CDC42EP1: variants seen among roughly 807,000 people sequenced by gnomAD.
CDC42EP1 encodes 55 kDa bone marrow stromal/endothelial cell protein.
A neutral mutation model predicts 7.4 loss-of-function variants in CDC42EP1; 6 were observed. The observed-to-expected ratio is 0.81, with a 90% CI of 0.44 to 1.60. The LOEUF (loss-of-function observed/expected upper bound fraction) is 1.60, where lower values mean the gene tolerates loss of function less well. Ranked by LOEUF, CDC42EP1 falls within the 40% of genes most tolerant of loss-of-function variation. The pLI is 0.01. For synonymous variants in CDC42EP1, 238 were observed against 227.1 expected (o/e 1.05, Z -0.43); for missense variants, 567 against 539.0 (o/e 1.05, Z -0.51).
rs1290498805 is a variant in CDC42EP1, at chr22:37,566,412, G to A, written c.63G>A (p.Val21=). ...TGAGCCTGGGCAAGCTCTCGCCTGT[G>A]GGCTGGGTGTCCAGTTCACAGGGAA... ...ATMSLGKLSP[V]GWVSSSQGKR... Residue 21 remains valine, a synonymous_variant, in exon 2 of 3, where the codon GTG becomes GTA. Coordinates refer to ENST00000249014, the MANE Select transcript of CDC42EP1 (RefSeq NM_152243.3). This position sits in a 1 kb window ranked among gnomAD's most constrained non-coding sequence, Gnocchi z 6.4. 1.9e-6 allele frequency: 3 copies of A among 1,602,826 alleles called. No individual in the cohort carries two copies. Among genetic ancestry groups the A allele is most frequent in the Admixed American group, 1.7e-5 (1 of 58,582 alleles).
chr22:37,563,520 G>A (rs1255369478), intron 1 of CDC42EP1: 2 of 152,224 alleles, frequency 1.3e-5, no homozygotes, highest in South Asian at 2.1e-4. Context: ...GGAGGAGTTA[G>A]GGTTGGGGGA....
At chr22:37,563,645 T>C (rs994440980) in intron 1 of CDC42EP1, 34 of 152,242 alleles carry the variant, frequency 2.2e-4, no homozygotes, top group African/African-American at 8.0e-4. Context: ...CAAATAACAT[T>C]AGAAGGGCAG....
At position 37,568,278 on chromosome 22, in the gene CDC42EP1, G is replaced by A; in HGVS notation, c.634G>A (p.Gly212Arg). ...LGPSLLSELL[G>R]VMSLPEAPAA... ...GCCCTCACTCCTCAGCGAGCTGCTA[G>A]GGGTCATGAGCCTCCCAGAAGCCCC... The change falls in exon 3 of 3, where the codon GGG becomes AGG. Residue 212 changes from glycine (G) to arginine (R), a missense_variant. Coordinates refer to ENST00000249014, the MANE Select transcript of CDC42EP1 (RefSeq NM_152243.3). 6.2e-7 allele frequency: 1 copy of A among 1,613,580 alleles called. No individual in the cohort carries two copies. Among genetic ancestry groups the A allele is most frequent in the Non-Finnish European group, 8.5e-7 (1 of 1,179,994 alleles).
At chr22:37,561,321 C>T (rs1341278418) in intron 1 of CDC42EP1, among the ~76,000 whole-genome samples, 7 of 152,262 alleles carry the variant, frequency 4.6e-5, no homozygotes, top group Non-Finnish European at 1.0e-4. Flanking sequence ...GGGGGACTGG[C>T]CGGGAGGCCG....
rs1383285630 is a variant in CDC42EP1 at position 37,568,920 on chromosome 22, C to T, written c.*100C>T. 3 of 737,406 alleles carry T rather than the reference C, an allele frequency of 4.1e-6. No homozygotes were observed. In the South Asian group the frequency reaches 1.1e-4, roughly 27 times the overall value. The allele number at this position is 737,406 out of a possible 1,614,324, so 45.7% of individuals were successfully genotyped here. ...ACCGGAGAGGGGAGAAGTCATGTTGCCCCTAAACCCCTCCCCACCTCTGCA... is the reference window on the plus strand; with the variant it reads ...ACCGGAGAGGGGAGAAGTCATGTTGTCCCTAAACCCCTCCCCACCTCTGCA... On this transcript the variant is annotated 3_prime_UTR_variant, in exon 3 of 3. Transcript: ENST00000249014.
Position 37,568,464 on chromosome 22 carries a change from C to T in CDC42EP1, c.820C>T (p.Pro274Ser), listed in dbSNP as rs762377855. ...CCCCACGGGTCCTGCTGCAAATCCCCCAGCCCCTGCCGCAAGCTCCACACC... is the reference window on the plus strand; with the variant it reads ...CCCCACGGGTCCTGCTGCAAATCCCTCAGCCCCTGCCGCAAGCTCCACACC... Reference protein sequence around the residue: ...ATPTGPAANPPAPAASSTPHG... With the variant: ...ATPTGPAANPSAPAASSTPHG... The change falls in exon 3 of 3, where the codon CCA becomes TCA. Residue 274 changes from proline to serine, a missense_variant. Coordinates refer to ENST00000249014, the MANE Select transcript of CDC42EP1 (RefSeq NM_152243.3). 1.7e-5 allele frequency: 28 copies of T among 1,602,586 alleles called. No individual in the cohort carries two copies. Among genetic ancestry groups the T allele is most frequent in the Non-Finnish European group, 8.5e-7 (1 of 1,173,864 alleles).
At chr22:37,564,928 G>A (rs989201061) in intron 1 of CDC42EP1, among the ~76,000 whole-genome samples, 1 of 151,992 alleles carries the variant, frequency 6.6e-6, no homozygotes, top group Non-Finnish European at 1.5e-5. Flanking sequence ...ACAGGCGCCC[G>A]CCACTACGCC....
chr22:37,561,090 G>A lies in CDC42EP1; in HGVS notation c.-279+502G>A, dbSNP rs990237088. On this transcript the variant is annotated intron_variant, in intron 1 of 2. Transcript: ENST00000249014. The stretch of plus-strand genomic sequence containing the variant: ...AGCCGCGGATGAGGTCATCCCGTCC[G>A]GTTCCCCTCCGGCCAAGACAGCCGG... Among the ~76,000 whole-genome samples, 3 of 152,218 alleles carry A rather than the reference G, an allele frequency of 2.0e-5. No individual in the cohort carries two copies. In the East Asian group the frequency reaches 5.8e-4, roughly 30 times the overall value.
chr22:37,561,197 C>T lies in CDC42EP1; in HGVS notation c.-279+609C>T, dbSNP rs1162413141. Among the ~76,000 whole-genome samples the T allele has an allele frequency of 3.9e-5, 6 of 152,256 alleles. No individual in the cohort carries two copies. The East Asian group carries it at 9.6e-4, about 24-fold the overall frequency. On this transcript the variant is annotated intron_variant, in intron 1 of 2. Transcript: ENST00000249014. Reference sequence around the variant, plus strand: ...AATGTTGGATGGCCGAAGTCTTTCCCGGACTTCCAATCCCGGCCGCCCTCC... The same window carrying T: ...AATGTTGGATGGCCGAAGTCTTTCCTGGACTTCCAATCCCGGCCGCCCTCC...
chr22:37,567,977 G>T, intron 2 of CDC42EP1, 131 bp from the exon 3 acceptor site: 1 of 730,336 alleles, frequency 1.4e-6, no homozygotes, highest in East Asian at 2.5e-5. Flanking sequence ...TGGAAAGATG[G>T]GAGAAACCGA....
At position 37,568,733 on chromosome 22, in the gene CDC42EP1, A is replaced by C; in HGVS notation, c.1089A>C (p.Ala363=). The C allele has an allele frequency of 6.6e-7, 1 of 1,524,218 alleles. No homozygotes were observed. The highest frequency in any genetic ancestry group is 8.8e-7 in the Non-Finnish European group (1 of 1,137,390). 94.4% of individuals were successfully genotyped at this position (1,524,218 alleles called of 1,614,324 possible). A position where few individuals can be genotyped will look rare whatever the true frequency, so the allele number is the denominator to read the frequency against. Residue 363 remains alanine, a synonymous_variant, in exon 3 of 3, where the codon GCA becomes GCC. Transcript: ENST00000249014. The stretch of plus-strand genomic sequence containing the variant: ...ACGAAGAGTGGAGGGCGCCCCAGGC[A>C]GGCAGCAGGACCCCAGTGCCCAGCA... ...SLDEEWRAPQ[A]GSRTPVPSTV... is the part of the protein sequence containing the mutation.
intron 1 of CDC42EP1, among the ~76,000 whole-genome samples, chr22:37,562,193 G>A (rs1925067027): frequency 6.6e-6 from 1 of 152,154 alleles, no homozygotes; most frequent in South Asian, 2.1e-4. Context: ...CCCCACCCTG[G>A]GGCATTTACC....
chr22:37,568,169 A>T lies in CDC42EP1; in HGVS notation c.525A>T (p.Arg175=). 1 of 1,613,914 alleles carries T rather than the reference A, an allele frequency of 6.2e-7. No homozygotes were observed. Among genetic ancestry groups the T allele is most frequent in the Non-Finnish European group, 8.5e-7 (1 of 1,179,952 alleles). The change falls in exon 3 of 3, where the codon CGA becomes CGT. Residue 175 remains arginine, a synonymous_variant. Coordinates refer to ENST00000249014, the MANE Select transcript of CDC42EP1 (RefSeq NM_152243.3). ...CCCGCTCGGAAAAGCCGCATGACCG[A>T]GACCGGGATGGTTCCTTCCCCTCTG... The part of the protein sequence containing the change: ...RLPRSEKPHD[R]DRDGSFPSEP...
At chr22:37,563,785 A>G (rs1925129505) in intron 1 of CDC42EP1, 1 of 152,192 alleles carries the variant, frequency 6.6e-6, no homozygotes, top group African/African-American at 2.4e-5. Context: ...CTGTGTAGGT[A>G]AGTGACTTGC....
At position 37,566,296 on chromosome 22, in the gene CDC42EP1, C is replaced by A; in HGVS notation, c.-54C>A. ...CAGCCATCCCAAGCCCAGCCCACCTCCCTCCCCCGGCCCCTGGTAGGCATG... is the reference window on the plus strand; with the variant it reads ...CAGCCATCCCAAGCCCAGCCCACCTACCTCCCCCGGCCCCTGGTAGGCATG... On this transcript the variant is annotated 5_prime_UTR_variant, in exon 2 of 3. Coordinates refer to ENST00000249014, the MANE Select transcript of CDC42EP1 (RefSeq NM_152243.3). This position sits in a 1 kb window ranked among gnomAD's most constrained non-coding sequence, Gnocchi z 6.4. The A allele has an allele frequency of 4.6e-6, 4 of 870,856 alleles. No individual in the cohort carries two copies. The highest frequency in any genetic ancestry group is 1.9e-5 in the South Asian group (1 of 51,610). 53.9% of individuals were successfully genotyped at this position (870,856 alleles called of 1,614,324 possible). A position where few individuals can be genotyped will look rare whatever the true frequency, so the allele number is the denominator to read the frequency against.
chr22:37,566,777 G>A lies in CDC42EP1; in HGVS notation c.428G>A (p.Ser143Asn). The A allele has an allele frequency of 2.5e-6, 4 of 1,579,096 alleles. No individual in the cohort carries two copies. Among genetic ancestry groups the A allele is most frequent in the Non-Finnish European group, 2.6e-6 (3 of 1,163,450 alleles). ...GTTGGCAAGCTCAGCTTCGACAGCA[G>A]CCCCACCAGCTCCACGGACGGCCAC... ...LVVGKLSFDSSPTSSTDGHSS... is the reference protein window; with the variant it reads ...LVVGKLSFDSNPTSSTDGHSS... The change falls in exon 2 of 3, where the codon AGC becomes AAC. Residue 143 changes from serine (S) to asparagine (N), a missense_variant. Physicochemically the swap from Ser to Asn is conservative, Grantham distance 46. Transcript: ENST00000249014. This position sits in a 1 kb window ranked among gnomAD's most constrained non-coding sequence, Gnocchi z 6.4.
At chr22:37,565,354 A>AT (rs1925193186) in intron 1 of CDC42EP1, among the ~76,000 whole-genome samples, 1 of 151,054 alleles carries the variant, frequency 6.6e-6, no homozygotes, top group African/African-American at 2.4e-5. Context: ...CACCCAACTA[A>AT]TTTTTTTAAA....
In CDC42EP1 at chr22:37,566,424, C is replaced by T. The variant is rs146834922; in HGVS notation, c.75C>T (p.Ser25=). ...LGKLSPVGWV[S]SSQGKRRLTA... ...AGCTCTCGCCTGTGGGCTGGGTGTC[C>T]AGTTCACAGGGAAAGAGGCGGCTGA... is the stretch of plus-strand genomic sequence containing the variant. The change falls in exon 2 of 3, where the codon TCC becomes TCT. Residue 25 remains serine (S), a synonymous_variant. Transcript: ENST00000249014. This position sits in a 1 kb window ranked among gnomAD's most constrained non-coding sequence, Gnocchi z 6.4. 145 of 1,607,760 alleles carry T rather than the reference C, an allele frequency of 9.0e-5. No individual in the cohort carries two copies. Among genetic ancestry groups the T allele is most frequent in the Non-Finnish European group, 1.1e-4 (124 of 1,177,098 alleles).
intron 1 of CDC42EP1, chr22:37,565,795 G>C (rs534728550): frequency 2.0e-5 from 3 of 151,960 alleles, no homozygotes; most frequent in Non-Finnish European, 4.4e-5. Context: ...GGCCAGGCTG[G>C]TCTCGAACTC....
Sources: gnomAD v4.1 joint callset for allele counts (sites outside exome capture counted in the v4.1 genomes callset) on GRCh38, gnomAD v4.1.1 for gene constraint, Gnocchi (gnomAD v3.1) non-coding constraint, MANE v1.5 for transcripts, NCBI Gene and HGNC (gene_info 2026-07-23, HGNC 2026-07-21) for gene names.